The following NTRK3 variants were observed in gnomAD, a reference collection of about 807,000 sequenced individuals.
The protein encoded by NTRK3 is neurotrophic receptor tyrosine kinase 3, also known as NT-3 growth factor receptor.
NTRK3 carries 24 observed loss-of-function variants against 91.7 expected under a neutral mutation model. The ratio of observed to expected loss-of-function variants is 0.26; its 90% confidence interval spans 0.19 to 0.37. The LOEUF (loss-of-function observed/expected upper bound fraction) is 0.37, where lower values mean the gene tolerates loss of function less well. NTRK3 is among the 10% of genes least tolerant of loss of function. The probability of loss-of-function intolerance (pLI) is 1.00; values close to 1 mark genes in which losing one functional copy is unlikely to be tolerated. For synonymous variants in NTRK3, 483 were observed against 404.0 expected (o/e 1.20, Z -2.34); for missense variants, 880 against 1,068.9 (o/e 0.82, Z 2.46).
chr15:88,077,587 A>T (rs1348842944), intron 13 of NTRK3, among the ~76,000 whole-genome samples: 1 of 152,168 alleles, frequency 6.6e-6, no homozygotes, highest in Non-Finnish European at 1.5e-5. Flanking sequence ...GTCTGGCTAC[A>T]TTAGACTCCA....
intron 3 of NTRK3, among the ~76,000 whole-genome samples, chr15:88,221,381 A>G (rs2050223228): frequency 1.3e-5 from 2 of 152,254 alleles, no homozygotes; most frequent in Admixed American, 6.5e-5. Flanking sequence ...AGAAAAAAAC[A>G]TCAATAAAGA....
chr15:87,912,340 A>T (rs1415457651), intron 17 of NTRK3, among the ~76,000 whole-genome samples: 12 of 152,176 alleles, frequency 7.9e-5, no homozygotes, highest in Non-Finnish European at 1.0e-4. Flanking sequence ...GTGCTCTTTA[A>T]ACATTCTATT....
intron 5 of NTRK3, among the ~76,000 whole-genome samples, chr15:88,171,552 C>T (rs575422653): frequency 6.6e-6 from 1 of 152,300 alleles, no homozygotes; most frequent in South Asian, 2.1e-4. Flanking sequence ...TCTAAAATAG[C>T]TTCCAAGGTG....
intron 13 of NTRK3, among the ~76,000 whole-genome samples, chr15:88,056,071 G>C (rs754510410): frequency 6.6e-6 from 1 of 151,702 alleles, no homozygotes; most frequent in African/African-American, 2.4e-5. Flanking sequence ...AAACAAAGGA[G>C]CATGGCAGGC....
chr15:87,890,498 C>G (rs2065799649), intron 17 of NTRK3, among the ~76,000 whole-genome samples: 1 of 151,934 alleles, frequency 6.6e-6, no homozygotes, highest in Non-Finnish European at 1.5e-5. Context: ...GAATTCATCC[C>G]ATAGCATCCT....
At chr15:88,126,210 T>C (rs2053267941) in intron 13 of NTRK3, 61 bp downstream of exon 13, 1 of 1,253,448 alleles carries the variant, frequency 8.0e-7, no homozygotes, top group Non-Finnish European at 1.2e-6. Flanking sequence ...ACAGTATCTT[T>C]TGATCAAAAG....
intron 13 of NTRK3, among the ~76,000 whole-genome samples, chr15:88,088,884 C>T (rs1354486666): frequency 1.3e-5 from 2 of 152,172 alleles, no homozygotes; most frequent in African/African-American, 4.8e-5. Context: ...TGCTTAACCT[C>T]TCTGACCTTC....
intron 17 of NTRK3, among the ~76,000 whole-genome samples, chr15:87,885,052 T>C (rs543923607): frequency 2.3e-3 from 348 of 152,042 alleles, no homozygotes; most frequent in Non-Finnish European, 3.9e-3. Flanking sequence ...AGAACCATTA[T>C]ATGATTTAGC....
intron 14 of NTRK3, among the ~76,000 whole-genome samples, chr15:88,018,318 C>T (rs1388124830): frequency 2.0e-5 from 3 of 152,138 alleles, no homozygotes; most frequent in African/African-American, 7.2e-5. Flanking sequence ...CCATGGGTCA[C>T]CCAAACTGGT....
exon 7 of NTRK3, chr15:88,137,445 C>G (rs2041984854): frequency 6.2e-7 from 1 of 1,614,042 alleles, no homozygotes; most frequent in Non-Finnish European, 8.5e-7. Context: ...AAGCTGGGAG[C>G]CATCAGCGTT....
intron 17 of NTRK3, among the ~76,000 whole-genome samples, chr15:87,887,853 T>C (rs1302622641): frequency 1.3e-5 from 2 of 152,146 alleles, no homozygotes; most frequent in African/African-American, 4.8e-5. Context: ...TCCATTCCTG[T>C]GTGATAGAAG....
At chr15:88,102,670 G>T (rs2050297140) in intron 13 of NTRK3, among the ~76,000 whole-genome samples, 1 of 152,076 alleles carries the variant, frequency 6.6e-6, no homozygotes, top group African/African-American at 2.4e-5. Flanking sequence ...AAAAGACACA[G>T]GGAAGGAAGA....
intron 14 of NTRK3, among the ~76,000 whole-genome samples, chr15:88,017,054 C>T (rs940771578): frequency 1.3e-5 from 2 of 149,764 alleles, no homozygotes; most frequent in East Asian, 2.0e-4. Flanking sequence ...GCCTCACTTA[C>T]AACATCCCTT....
intron 17 of NTRK3, among the ~76,000 whole-genome samples, chr15:87,924,764 T>C (rs1306509737): frequency 6.6e-6 from 1 of 152,196 alleles, no homozygotes; most frequent in East Asian, 1.9e-4. Context: ...CCTTTCTGAC[T>C]TCACTCATTC....
At chr15:87,934,463 C>A (rs1175458586) in intron 15 of NTRK3, among the ~76,000 whole-genome samples, 3 of 152,174 alleles carry the variant, frequency 2.0e-5, no homozygotes, top group African/African-American at 7.2e-5. Context: ...ATAGATCATG[C>A]AAGTGCCAAA....
chr15:87,909,011 C>T (rs1239833934), intron 17 of NTRK3, among the ~76,000 whole-genome samples: 5 of 152,072 alleles, frequency 3.3e-5, no homozygotes, highest in East Asian at 3.9e-4. Flanking sequence ...AAAGAAACAG[C>T]GCTTTCTCCA....
At chr15:88,217,243 ACTT>A (rs144746237) in intron 3 of NTRK3, among the ~76,000 whole-genome samples, 463 of 152,366 alleles carry the variant, frequency 3.0e-3, no homozygotes, top group Middle Eastern at 0.01. Flanking sequence ...CAACAACTCT[ACTT>A]CTGGGTAAAT....
intron 17 of NTRK3, among the ~76,000 whole-genome samples, chr15:87,904,702 G>C (rs944540162): frequency 1.3e-5 from 2 of 152,174 alleles, no homozygotes; most frequent in East Asian, 3.9e-4. Context: ...GTATGTGTGA[G>C]TGGCAGGGCG....
At chr15:88,158,693 C>A (rs1364485407) in intron 5 of NTRK3, among the ~76,000 whole-genome samples, 1 of 152,122 alleles carries the variant, frequency 6.6e-6, no homozygotes, top group Non-Finnish European at 1.5e-5. Flanking sequence ...GGCTAATTAC[C>A]CTGAAGCATG....
Sources: gnomAD v4.1 joint callset for allele counts (sites outside exome capture counted in the v4.1 genomes callset) on GRCh38, gnomAD v4.1.1 for gene constraint, MANE v1.5 for transcripts, NCBI Gene and HGNC (gene_info 2026-07-23, HGNC 2026-07-21) for gene names.